Variants in AIG1 observed in about 807,000 individuals in gnomAD.
The protein encoded by AIG1 is androgen-induced gene 1 protein.
AIG1 carries 23 observed loss-of-function variants against 31.4 expected under a neutral mutation model. That is an observed-to-expected ratio of 0.73 (90% CI 0.53 to 1.04). The LOEUF (loss-of-function observed/expected upper bound fraction) is 1.04. Among genes scored for constraint, AIG1 ranks in the 50% least tolerant of loss-of-function variants. The pLI, the probability that AIG1 is intolerant of heterozygous loss-of-function variation, is 0.00. For missense variants in AIG1, 274 were observed against 295.0 expected (o/e 0.93, Z 0.52); for synonymous variants, 100 against 110.5 (o/e 0.90, Z 0.60).
At chr6:143,127,687 C>T (rs1256372835) in intron 1 of AIG1, among the ~76,000 whole-genome samples, 1 of 151,488 alleles carries the variant, frequency 6.6e-6, no homozygotes, top group African/African-American at 2.4e-5. Flanking sequence ...TTGGTGCTGA[C>T]CTTTCTTGTT....
In AIG1 at chr6:143,149,482, G is replaced by A. The variant is rs148422303; in HGVS notation, c.297+12492G>A. Among the ~76,000 whole-genome samples the A allele has an allele frequency of 2.0e-3, 294 of 144,758 alleles. 5 individuals carry two copies. The highest frequency in any genetic ancestry group is 7.0e-3 in the African/African-American group (269 of 38,338). 95.0% of individuals were successfully genotyped at this position (144,758 alleles called of 152,430 possible). ...GCGGGGCTTGCAGTGAGCCGAGATC[G>A]CGCCACTGCACTCGCACTCTAGGCT... On this transcript the variant is annotated intron_variant, in intron 2 of 5. Transcript: ENST00000357847.
At chr6:143,255,831 A>G (rs1286279636) in intron 3 of AIG1, among the ~76,000 whole-genome samples, 1 of 152,218 alleles carries the variant, frequency 6.6e-6, no homozygotes, top group Non-Finnish European at 1.5e-5. Flanking sequence ...GTTATATGCT[A>G]ATCCTTTCAC....
At chr6:143,273,683 G>C (rs989875821) in intron 3 of AIG1, among the ~76,000 whole-genome samples, 2 of 152,160 alleles carry the variant, frequency 1.3e-5, no homozygotes, top group Non-Finnish European at 2.9e-5. Context: ...TTACATGGTG[G>C]CAGGCAAGAG....
chr6:143,221,579 T>G (rs1792518345), intron 3 of AIG1, among the ~76,000 whole-genome samples: 3 of 152,208 alleles, frequency 2.0e-5, no homozygotes, highest in Admixed American at 2.0e-4. Flanking sequence ...GAGCCAAGAA[T>G]TGTTCTAAAT....
rs1163880811 is a variant in AIG1 at position 143,328,239 on chromosome 6, A to G, written c.516-5043A>G. 6.6e-6 allele frequency among the ~76,000 whole-genome samples: 1 copy of G among 152,174 alleles called. No individual in the cohort carries two copies. The highest frequency in any genetic ancestry group is 2.1e-4 in the South Asian group (1 of 4,826). ...ACTGCTGTGGGTGAAAGTGAGTACAATGTACAGATATGGTGTCAGTGAATC... is the reference window on the plus strand; with the variant it reads ...ACTGCTGTGGGTGAAAGTGAGTACAGTGTACAGATATGGTGTCAGTGAATC... On this transcript the variant is annotated intron_variant, in intron 4 of 5. Transcript: ENST00000357847. The surrounding 1 kb of genome is among the most constrained non-coding windows in gnomAD (Gnocchi z 4.0).
At chr6:143,307,750 T>G (rs1799443915) in intron 4 of AIG1, among the ~76,000 whole-genome samples, 1 of 152,214 alleles carries the variant, frequency 6.6e-6, no homozygotes, top group African/African-American at 2.4e-5. Flanking sequence ...CAGGGACATT[T>G]AAGTCTGCAG....
At chr6:143,290,455 T>C (rs978145921) in intron 4 of AIG1, among the ~76,000 whole-genome samples, 2 of 152,192 alleles carry the variant, frequency 1.3e-5, no homozygotes, top group African/African-American at 2.4e-5. Context: ...GCGCAGTGTG[T>C]TTACCGGAGT....
In AIG1 at chr6:143,288,576, C is replaced by T. The variant is rs1797850044; in HGVS notation, c.515+4351C>T. Among the ~76,000 whole-genome samples, 1 of 152,216 alleles carries T rather than the reference C, an allele frequency of 6.6e-6. No homozygotes were observed. Among genetic ancestry groups the T allele is most frequent in the Non-Finnish European group, 1.5e-5 (1 of 68,034 alleles). Reference sequence around the variant, plus strand: ...TAAACAAATTCCATATTCCAAATCTCATTTCCCCAAATGTGTTCACTGAAT... The same window carrying T: ...TAAACAAATTCCATATTCCAAATCTTATTTCCCCAAATGTGTTCACTGAAT... On this transcript the variant is annotated intron_variant, in intron 4 of 5. Transcript: ENST00000357847. This position sits in a 1 kb window ranked among gnomAD's most constrained non-coding sequence, Gnocchi z 4.4.
chr6:143,307,981 A>G (rs1451926128), intron 4 of AIG1, among the ~76,000 whole-genome samples: 1 of 152,230 alleles, frequency 6.6e-6, no homozygotes, highest in Non-Finnish European at 1.5e-5. Flanking sequence ...GCAATGAGTG[A>G]GAATCCATGG....
chr6:143,206,083 CT>C (rs1365581094), intron 3 of AIG1, among the ~76,000 whole-genome samples: 1 of 152,200 alleles, frequency 6.6e-6, no homozygotes, highest in Non-Finnish European at 1.5e-5. Context: ...TAAGTTTCCA[CT>C]TGCTCCAGTG....
chr6:143,276,420 C>T (rs1039812824), intron 3 of AIG1, among the ~76,000 whole-genome samples: 1 of 152,168 alleles, frequency 6.6e-6, no homozygotes, highest in African/African-American at 2.4e-5. Context: ...GTCACTGTTT[C>T]TAACCTCATT....
At chr6:143,116,100 A>G (rs549605894) in intron 1 of AIG1, among the ~76,000 whole-genome samples, 2 of 152,286 alleles carry the variant, frequency 1.3e-5, no homozygotes, top group African/African-American at 4.8e-5. Flanking sequence ...TCTGGGTGAA[A>G]TTCTTCTTCT....
At chr6:143,106,860 G>GAA (rs760783781) in intron 1 of AIG1, among the ~76,000 whole-genome samples, 3 of 152,176 alleles carry the variant, frequency 2.0e-5, no homozygotes, top group Non-Finnish European at 4.4e-5. Flanking sequence ...TGAGGACAAG[G>GAA]AATGATGGCT....
rs530436269 is a variant in AIG1 at position 143,329,551 on chromosome 6, A to G, written c.516-3731A>G. 6.6e-6 allele frequency among the ~76,000 whole-genome samples: 1 copy of G among 152,224 alleles called. No individual in the cohort carries two copies. Among genetic ancestry groups the G allele is most frequent in the Non-Finnish European group, 1.5e-5 (1 of 68,040 alleles). ...AATAGTACGATGAGAATGCCATGCT[A>G]TATCTAGAATTGCTGAGAAGACTAG... On this transcript the variant is annotated intron_variant, in intron 4 of 5. Coordinates refer to ENST00000357847, the MANE Select transcript of AIG1 (RefSeq NM_016108.4). This position sits in a 1 kb window ranked among gnomAD's most constrained non-coding sequence, Gnocchi z 4.9.
At chr6:143,337,329 C>A (rs1393962732) in intron 5 of AIG1, among the ~76,000 whole-genome samples, 1 of 152,140 alleles carries the variant, frequency 6.6e-6, no homozygotes, top group African/African-American at 2.4e-5. Flanking sequence ...TTTCAGATAA[C>A]CACCTCTCTA....
chr6:143,333,993 A>C lies in AIG1; in HGVS notation c.679+548A>C. On this transcript the variant is annotated intron_variant, in intron 5 of 5. Transcript: ENST00000357847. The surrounding 1 kb of genome is among the most constrained non-coding windows in gnomAD (Gnocchi z 4.6). ...GAAAGTCTGAAAGTGGCAAAGAGCT[A>C]CAAGCAGTAAAAGATAATATTTCGT... 6.9e-7 allele frequency: 1 copy of C among 1,445,966 alleles called. No homozygotes were observed. The highest frequency in any genetic ancestry group is 9.5e-7 in the Non-Finnish European group (1 of 1,056,916). 89.6% of individuals were successfully genotyped at this position (1,445,966 alleles called of 1,614,324 possible). A position where few individuals can be genotyped will look rare whatever the true frequency, so the allele number is the denominator to read the frequency against.
intron 1 of AIG1, among the ~76,000 whole-genome samples, chr6:143,067,176 TAAAA>T (rs796111505): frequency 6.7e-6 from 1 of 148,278 alleles, no homozygotes; most frequent in Admixed American, 6.7e-5. Context: ...TAAATAAAAA[TAAAA>T]AAAAAACATT....
chr6:143,208,941 C>T lies in AIG1; in HGVS notation c.399+43758C>T, dbSNP rs556780341. 4.7e-4 allele frequency among the ~76,000 whole-genome samples: 72 copies of T among 152,150 alleles called. No individual in the cohort carries two copies. In the South Asian group the frequency reaches 0.015, roughly 32 times the overall value. On this transcript the variant is annotated intron_variant, in intron 3 of 5. Transcript: ENST00000357847. ...GCTGAGAGGAGATGAAGAAAGATCA[C>T]CACCCTGGGTCCTGCAGTAGCCAAA...
intron 1 of AIG1, among the ~76,000 whole-genome samples, chr6:143,079,590 A>G (rs1294754090): frequency 6.6e-6 from 1 of 152,194 alleles, no homozygotes; most frequent in Non-Finnish European, 1.5e-5. Flanking sequence ...AAGCCTACAT[A>G]TGTTTTCAAT....
Sources: gnomAD v4.1 joint callset for allele counts (sites outside exome capture counted in the v4.1 genomes callset) on GRCh38, gnomAD v4.1.1 for gene constraint, Gnocchi (gnomAD v3.1) non-coding constraint, MANE v1.5 for transcripts, NCBI Gene and HGNC (gene_info 2026-07-23, HGNC 2026-07-21) for gene names.